The following SSBP2 variants were observed in gnomAD, a reference collection of about 807,000 sequenced individuals.
SSBP2 encodes the protein single stranded DNA binding protein 2, also known as single-stranded DNA-binding protein 2.
In SSBP2, 17 loss-of-function variants were observed where a neutral mutation model predicts 61.8. The ratio of observed to expected loss-of-function variants is 0.28; its 90% CI spans 0.19 to 0.41. SSBP2 has a LOEUF of 0.41. Among genes scored for constraint, SSBP2 ranks in the 10% least tolerant of loss-of-function variants. The pLI is 1.00. For missense variants in SSBP2, 310 were observed against 458.7 expected, an observed-to-expected ratio of 0.68 and a Z score of 2.96; for synonymous variants, 139 against 141.3, an observed-to-expected ratio of 0.98 and a Z score of 0.12.
At chr5:81,678,809 A>G (rs1752179526) in intron 1 of SSBP2, among the ~76,000 whole-genome samples, 1 of 152,152 alleles carries the variant, frequency 6.6e-6, no homozygotes, top group Non-Finnish European at 1.5e-5. Flanking sequence ...CTAGAATTCT[A>G]TATCCTGTGA....
chr5:81,503,501 AG>A (rs1376266410), intron 5 of SSBP2, among the ~76,000 whole-genome samples: 1 of 152,138 alleles, frequency 6.6e-6, no homozygotes, highest in East Asian at 1.9e-4. Flanking sequence ...GCAAGGTTGC[AG>A]AGAAAAAGGA....
intron 14 of SSBP2, among the ~76,000 whole-genome samples, chr5:81,438,606 G>A (rs1762818477): frequency 6.6e-6 from 1 of 152,072 alleles, no homozygotes; most frequent in Admixed American, 6.5e-5. Flanking sequence ...TCATATATAT[G>A]TGTATATATA....
intron 1 of SSBP2, among the ~76,000 whole-genome samples, chr5:81,658,837 A>G (rs1322018932): frequency 1.3e-5 from 2 of 152,224 alleles, no homozygotes; most frequent in Non-Finnish European, 2.9e-5. Flanking sequence ...ACTTGGCTTC[A>G]TCACTGTTAT....
chr5:81,728,098 A>C (rs1756012001), intron 1 of SSBP2, among the ~76,000 whole-genome samples: 1 of 152,234 alleles, frequency 6.6e-6, no homozygotes, highest in Non-Finnish European at 1.5e-5. Context: ...CTGCAGAATT[A>C]GGCAAGGACC....
chr5:81,597,124 T>G (rs921907856), intron 4 of SSBP2, among the ~76,000 whole-genome samples: 2 of 152,182 alleles, frequency 1.3e-5, no homozygotes, highest in Non-Finnish European at 2.9e-5. Flanking sequence ...GACAAAGGGC[T>G]AATATGCAGA....
intron 5 of SSBP2, among the ~76,000 whole-genome samples, chr5:81,508,797 T>C (rs1447150960): frequency 4.6e-5 from 7 of 152,120 alleles, no homozygotes; most frequent in Non-Finnish European, 1.0e-4. Flanking sequence ...AGGAGAAATG[T>C]TTCAATGTAT....
rs531877612 is a variant in SSBP2, at chr5:81,466,065, T to C, written c.638+909A>G. 1.6e-4 allele frequency among the ~76,000 whole-genome samples: 24 copies of C among 152,192 alleles called. No homozygotes were observed. The South Asian group carries it at 4.8e-3, about 30-fold the overall frequency. Reference sequence around the variant, plus strand: ...CAATGCCATTAAATGATGGCAGAGTTGTTTAATTTGATATATAAGTAATCA... The same window carrying C: ...CAATGCCATTAAATGATGGCAGAGTCGTTTAATTTGATATATAAGTAATCA... On this transcript the variant is annotated intron_variant, in intron 9 of 16. Transcript: ENST00000320672.
intron 1 of SSBP2, among the ~76,000 whole-genome samples, chr5:81,711,076 C>T (rs940720768): frequency 2.0e-5 from 3 of 152,024 alleles, no homozygotes; most frequent in African/African-American, 4.8e-5. Flanking sequence ...AAATCTGATT[C>T]TTCCCTTTCA....
chr5:81,423,116 A>G (rs1230167152), intron 16 of SSBP2, among the ~76,000 whole-genome samples: 2 of 152,238 alleles, frequency 1.3e-5, no homozygotes, highest in Admixed American at 6.5e-5. Flanking sequence ...ATGGGCACAG[A>G]TAAATTTAAT....
chr5:81,476,428 T>G (rs1032630141), intron 6 of SSBP2, among the ~76,000 whole-genome samples: 5 of 152,200 alleles, frequency 3.3e-5, no homozygotes, highest in Non-Finnish European at 7.4e-5. Context: ...CTATGTCTAT[T>G]CTATCCCTAC....
chr5:81,649,456 A>C (rs904715394), intron 2 of SSBP2, among the ~76,000 whole-genome samples: 1 of 152,114 alleles, frequency 6.6e-6, no homozygotes, highest in African/African-American at 2.4e-5. Flanking sequence ...AAAGAATGAA[A>C]TCATGTCTTT....
chr5:81,662,466 T>A (rs1207521336), intron 1 of SSBP2, among the ~76,000 whole-genome samples: 1 of 151,672 alleles, frequency 6.6e-6, no homozygotes, highest in Non-Finnish European at 1.5e-5. Flanking sequence ...AAACTCCGTC[T>A]CAAAAACAAA....
intron 4 of SSBP2, among the ~76,000 whole-genome samples, chr5:81,546,837 T>C (rs963182170): frequency 6.6e-6 from 1 of 151,836 alleles, no homozygotes; most frequent in African/African-American, 2.4e-5. Context: ...TCTAACACAA[T>C]GCCAATCTTA....
intron 16 of SSBP2, among the ~76,000 whole-genome samples, chr5:81,427,671 G>A (rs1382349285): frequency 6.6e-6 from 1 of 152,154 alleles, no homozygotes; most frequent in African/African-American, 2.4e-5. Context: ...TAGGTCCTCC[G>A]TAAGAAATTT....
intron 4 of SSBP2, among the ~76,000 whole-genome samples, chr5:81,516,693 G>A (rs1358773864): frequency 6.6e-6 from 1 of 151,994 alleles, no homozygotes; most frequent in African/African-American, 2.4e-5. Flanking sequence ...ACTAAATGGT[G>A]CTCTCAGCAT....
At chr5:81,653,273 G>A (rs1749913495) in intron 1 of SSBP2, among the ~76,000 whole-genome samples, 1 of 152,128 alleles carries the variant, frequency 6.6e-6, no homozygotes, top group Non-Finnish European at 1.5e-5. Flanking sequence ...CAAAAGACAT[G>A]AACTCATCCA....
intron 9 of SSBP2, among the ~76,000 whole-genome samples, chr5:81,462,335 G>T (rs1764599401): frequency 1.3e-5 from 2 of 152,196 alleles, no homozygotes; most frequent in Admixed American, 1.3e-4. Flanking sequence ...AGTTAGTTAT[G>T]ATATTACCCA....
At chr5:81,420,684 A>T (rs1392308973) in intron 16 of SSBP2, 151 bp from the exon 17 acceptor site, 1 of 652,330 alleles carries the variant, frequency 1.5e-6, no homozygotes, top group Non-Finnish European at 2.6e-6. Context: ...AAGAAACTAT[A>T]AAAAAAGTAA....
At chr5:81,725,418 T>C (rs764282355) in intron 1 of SSBP2, among the ~76,000 whole-genome samples, 12 of 152,172 alleles carry the variant, frequency 7.9e-5, no homozygotes, top group Non-Finnish European at 1.6e-4. Flanking sequence ...CTAGTGAGAA[T>C]GTACACTAGT....
Sources: gnomAD v4.1 joint callset for allele counts (sites outside exome capture counted in the v4.1 genomes callset) on GRCh38, gnomAD v4.1.1 for gene constraint, MANE v1.5 for transcripts, NCBI Gene and HGNC (gene_info 2026-07-23, HGNC 2026-07-21) for gene names.